ZFYVE26: variants seen among roughly 807,000 people sequenced by gnomAD.
The protein encoded by ZFYVE26 is zinc finger FYVE-type containing 26.
Under a neutral mutation model 276.5 loss-of-function variants are expected in ZFYVE26, and 181 were observed. The observed-to-expected ratio is 0.65, with a 90% confidence interval of 0.58 to 0.74. The LOEUF is 0.74. ZFYVE26 is among the 30% of genes least tolerant of loss of function. The pLI is 0.00. For synonymous variants in ZFYVE26, 1,129 were observed against 1,203.1 expected (o/e 0.94, Z 1.27); for missense variants, 2,821 against 3,097.9 (o/e 0.91, Z 2.12).
At position 67,775,092 on chromosome 14, in the gene ZFYVE26, T is replaced by C. The variant is rs776400030; in HGVS notation, c.5244A>G (p.Glu1748=). 5 of 1,611,078 alleles carry C rather than the reference T, an allele frequency of 3.1e-6. No individual in the cohort carries two copies. In the East Asian group the frequency reaches 1.1e-4, roughly 36 times the overall value. Reference sequence around the variant, plus strand: ...CGGGATCTGCAGCCTGGTGGACAATTTCTTGGAGGTGAATCACAGAATCTG... The same window carrying C: ...CGGGATCTGCAGCCTGGTGGACAATCTCTTGGAGGTGAATCACAGAATCTG... ...KRSDSVIHLQ[E]IVHQAADPET... Residue 1748 remains glutamate, a synonymous_variant, in exon 27 of 42, where the codon GAA becomes GAG. Transcript: ENST00000347230.
chr14:67,745,534 G>A (rs1416656251), downstream of ZFYVE26, among the ~76,000 whole-genome samples: 1 of 151,430 alleles, frequency 6.6e-6, no homozygotes, highest in Non-Finnish European at 1.5e-5. Flanking sequence ...AGGAGATAAT[G>A]AGCAGTGATG....
At chr14:67,815,146 C>T (rs1033884810) in intron 2 of ZFYVE26, among the ~76,000 whole-genome samples, 3 of 152,126 alleles carry the variant, frequency 2.0e-5, no homozygotes, top group Non-Finnish European at 4.4e-5. Context: ...AGTGGGATTA[C>T]ATGAATCTAT....
Position 67,775,012 on chromosome 14 carries a change from T to G in ZFYVE26, c.5320+4A>C, listed in dbSNP as rs1195545875. 3.7e-6 allele frequency: 6 copies of G among 1,605,900 alleles called. No individual in the cohort carries two copies. Among genetic ancestry groups the G allele is most frequent in the Non-Finnish European group, 4.3e-6 (5 of 1,175,080 alleles). Reference sequence around the variant, plus strand: ...TTTAGTGAATCATCAGAGCCAGTTCTTACCAGGAGGAGCAGCAGGAGAGAA... The same window carrying G: ...TTTAGTGAATCATCAGAGCCAGTTCGTACCAGGAGGAGCAGCAGGAGAGAA... On this transcript the variant is annotated splice_donor_region_variant and intron_variant, in intron 27 of 41. Transcript: ENST00000347230.
Position 67,775,822 on chromosome 14 carries a change from C to G in ZFYVE26, c.5221+38G>C, listed in dbSNP as rs143088605. 16 of 1,613,820 alleles carry G rather than the reference C, an allele frequency of 9.9e-6. No individual in the cohort carries two copies. The East Asian group carries it at 3.6e-4, about 36-fold the overall frequency. On this transcript the variant is annotated intron_variant, in intron 26 of 41. Coordinates refer to ENST00000347230, the MANE Select transcript of ZFYVE26 (RefSeq NM_015346.4). ...TAAGAATGCAGCATGGCATTTCTTC[C>G]TCCATGTAGAATCCCCTTCTAGGAT...
intron 13 of ZFYVE26, among the ~76,000 whole-genome samples, chr14:67,732,650 C>T (rs1012362207): frequency 2.0e-5 from 3 of 152,036 alleles, no homozygotes; most frequent in Admixed American, 6.5e-5. Context: ...GATCTCCACT[C>T]ACTGCAACCT....
At chr14:67,785,304 A>G (rs774637307) in intron 18 of ZFYVE26, 27 bp from the exon 19 acceptor site, 1 of 1,564,030 alleles carries the variant, frequency 6.4e-7, no homozygotes, top group East Asian at 2.4e-5. Context: ...AGGAGAAAGG[A>G]CACAGGCTTC....
At position 67,806,695 on chromosome 14, in the gene ZFYVE26, GT is replaced by G. The variant is rs145323881; in HGVS notation, c.887-21del. 198,222 of 1,613,648 alleles carry G rather than the reference GT, an allele frequency of 0.12. 13,497 individuals carry two copies. Among genetic ancestry groups the G allele is most frequent in the Middle Eastern group, 0.22 (1,319 of 6,052 alleles). On this transcript the variant is annotated intron_variant, in intron 5 of 41. Coordinates refer to ENST00000347230, the MANE Select transcript of ZFYVE26 (RefSeq NM_015346.4). ...GTGAGACTGAACATCAAACAAGACG[GT>G]TATCAGGAAACCAAGAACTCTTCTT...
rs750867535 is a variant in ZFYVE26 at position 67,737,476 on chromosome 14, G to A, written n.2680-7657C>T. ...CACTTTTAAAACCATCAGGTCTCAT[G>A]AGAACTCTCTCACTATCACGAGAAG... is the stretch of plus-strand genomic sequence containing the variant. On this transcript the variant is annotated intron_variant and non_coding_transcript_variant, in intron 13 of 14. Transcript: ENST00000394455. 5.9e-5 allele frequency among the ~76,000 whole-genome samples: 9 copies of A among 152,084 alleles called. No homozygotes were observed. The South Asian group carries it at 1.9e-3, about 32-fold the overall frequency.
At chr14:67,772,556 G>C (rs748477840) in intron 27 of ZFYVE26, among the ~76,000 whole-genome samples, 1 of 152,206 alleles carries the variant, frequency 6.6e-6, no homozygotes, top group Non-Finnish European at 1.5e-5. Flanking sequence ...GGGAAGCTCC[G>C]GGGAACAAAT....
intron 27 of ZFYVE26, 97 bp downstream of exon 27, chr14:67,774,919 G>GA (rs2039299902): frequency 1.5e-6 from 1 of 689,454 alleles, no homozygotes; most frequent in Non-Finnish European, 2.4e-6. Context: ...AACTGGCAAT[G>GA]AAAAAAAGAA....
At chr14:67,770,015 T>C (rs1051537042) in intron 28 of ZFYVE26, 7 of 469,888 alleles carry the variant, frequency 1.5e-5, no homozygotes, top group Admixed American at 6.7e-5. Context: ...CAAGAAAAAG[T>C]AGTGGAGAAG....
intron 22 of ZFYVE26, among the ~76,000 whole-genome samples, chr14:67,780,785 C>T (rs1418369840): frequency 6.6e-6 from 1 of 152,126 alleles, no homozygotes; most frequent in Non-Finnish European, 1.5e-5. Flanking sequence ...TTTTCACTAC[C>T]CCTGGTAGGG....
chr14:67,778,006 G>A, intron 24 of ZFYVE26, 120 bp downstream of exon 24: 35 of 1,470,066 alleles, frequency 2.4e-5, no homozygotes, highest in Non-Finnish European at 3.2e-5. Context: ...ACCAGCTCCT[G>A]AAAGATCAGA....
Position 67,799,215 on chromosome 14 carries a change from T to C in ZFYVE26, c.1640-593A>G, listed in dbSNP as rs576694030. On this transcript the variant is annotated intron_variant, in intron 10 of 41. Transcript: ENST00000347230. Reference sequence around the variant, plus strand: ...GGTTCAGAAGAAGAGCTGGCTGATATTAAACAGGCCTATCTGGACTTCAAG... The same window carrying C: ...GGTTCAGAAGAAGAGCTGGCTGATACTAAACAGGCCTATCTGGACTTCAAG... 9.4e-5 allele frequency: 151 copies of C among 1,612,824 alleles called. 1 individual carries two copies. In the South Asian group the frequency reaches 1.5e-3, roughly 16 times the overall value.
intron 12 of ZFYVE26, 51 bp from the exon 13 acceptor site, chr14:67,794,290 G>A: frequency 6.3e-6 from 10 of 1,576,598 alleles, no homozygotes; most frequent in Non-Finnish European, 7.0e-6. Context: ...TCCTTATAGA[G>A]TAGGAAGTGT....
At chr14:67,743,900 A>G (rs1254136353), downstream of ZFYVE26, among the ~76,000 whole-genome samples, 1 of 152,196 alleles carries the variant, frequency 6.6e-6, no homozygotes, top group African/African-American at 2.4e-5. Context: ...GAGGTTTGAC[A>G]ATGGTAGACT....
At chr14:67,798,658 A>G (rs1233837847) in intron 10 of ZFYVE26, 36 bp from the exon 11 acceptor site, 1 of 1,612,836 alleles carries the variant, frequency 6.2e-7, no homozygotes, top group Admixed American at 1.7e-5. Context: ...GGCCAGAGAA[A>G]GAGAAGACAG....
chr14:67,765,348 C>T (rs779525683), intron 32 of ZFYVE26, among the ~76,000 whole-genome samples: 1 of 152,056 alleles, frequency 6.6e-6, no homozygotes, highest in Non-Finnish European at 1.5e-5. Flanking sequence ...ATTTTATCCT[C>T]GTAACAGCCC....
rs766215629 is a variant in ZFYVE26, at chr14:67,814,310, C to T, written c.195-246G>A. Among the ~76,000 whole-genome samples the T allele has an allele frequency of 7.9e-5, 12 of 152,190 alleles. No individual in the cohort carries two copies. In the South Asian group the frequency reaches 1.2e-3, roughly 16 times the overall value. On this transcript the variant is annotated intron_variant, in intron 2 of 41. Transcript: ENST00000347230. ...GAGGTGGGTGGATCACCTGTGGTCA[C>T]GAGTTCGAGACCAACCTGGCCAACA... is the stretch of plus-strand genomic sequence containing the variant.
Sources: gnomAD v4.1 joint callset for allele counts (sites outside exome capture counted in the v4.1 genomes callset) on GRCh38, gnomAD v4.1.1 for gene constraint, MANE v1.5 for transcripts, NCBI Gene and HGNC (gene_info 2026-07-23, HGNC 2026-07-21) for gene names.